Variants in DYNLL1 observed in about 807,000 individuals in gnomAD.
DYNLL1 encodes the protein dynein light chain LC8-type 1.
A neutral mutation model predicts 10.1 loss-of-function variants in DYNLL1; 3 were observed. The ratio of observed to expected loss-of-function variants is 0.30; its 90% CI spans 0.14 to 0.77. The LOEUF (loss-of-function observed/expected upper bound fraction) is 0.77, where lower values mean the gene tolerates loss of function less well. DYNLL1 is among the 30% of genes least tolerant of loss of function. The probability of loss-of-function intolerance (pLI) is 0.66; values close to 1 mark genes in which losing one functional copy is unlikely to be tolerated. For synonymous variants in DYNLL1, 46 were observed against 41.2 expected (o/e 1.12, Z -0.45); for missense variants, 47 against 111.7 (o/e 0.42, Z 2.61).
chr12:120,487,951 A>G (rs1879035048), intron 1 of DYNLL1, among the ~76,000 whole-genome samples: 1 of 152,206 alleles, frequency 6.6e-6, no homozygotes, highest in Non-Finnish European at 1.5e-5. Context: ...CCCTATGTTG[A>G]GGGAGTACTG....
At chr12:120,484,723 A>C (rs1476914875) in intron 1 of DYNLL1, among the ~76,000 whole-genome samples, 7 of 151,776 alleles carry the variant, frequency 4.6e-5, no homozygotes, top group Non-Finnish European at 1.5e-5. Flanking sequence ...TGATTGTTTC[A>C]AGAAGTTATG....
chr12:120,478,623 G>T (rs1011912138), intron 1 of DYNLL1, among the ~76,000 whole-genome samples: 1 of 148,672 alleles, frequency 6.7e-6, no homozygotes, highest in Admixed American at 6.6e-5. Context: ...AGGCTGAGGC[G>T]GGCAGATCAC....
chr12:120,487,005 C>T (rs1290177002), intron 1 of DYNLL1, among the ~76,000 whole-genome samples: 7 of 147,654 alleles, frequency 4.7e-5, no homozygotes, highest in African/African-American at 1.8e-4. Flanking sequence ...GATGCAGTCT[C>T]GCTCTGTCGC....
At chr12:120,486,372 G>C (rs1405087070) in intron 1 of DYNLL1, among the ~76,000 whole-genome samples, 1 of 152,104 alleles carries the variant, frequency 6.6e-6, no homozygotes, top group Admixed American at 6.6e-5. Context: ...TGATAAGTTT[G>C]GGGGTACCAA....
At chr12:120,491,418 C>T (rs1208036808), upstream of DYNLL1, 1 of 152,386 alleles carries the variant, frequency 6.6e-6, no homozygotes, top group South Asian at 2.1e-4. Context: ...GCAATCTCTC[C>T]CACAGGGTGC....
At chr12:120,487,892 G>T (rs1348161732) in intron 1 of DYNLL1, among the ~76,000 whole-genome samples, 1 of 152,106 alleles carries the variant, frequency 6.6e-6, no homozygotes. Flanking sequence ...CAGAGAATAG[G>T]AATCTATAAA....
chr12:120,496,393 T>C (rs1398794223), intron 1 of DYNLL1, 23 bp from the exon 2 acceptor site: 1 of 1,613,594 alleles, frequency 6.2e-7, no homozygotes, highest in Non-Finnish European at 8.5e-7. Flanking sequence ...ACTCAACCCC[T>C]TACCCCAGGC....
At chr12:120,493,963 G>C (rs189158566), upstream of DYNLL1, 1 of 151,794 alleles carries the variant, frequency 6.6e-6, no homozygotes, top group East Asian at 1.9e-4. Context: ...ATATTATGAT[G>C]ATAGTATTAT....
intron 1 of DYNLL1, among the ~76,000 whole-genome samples, chr12:120,470,427 A>G (rs923259190): frequency 2.0e-5 from 3 of 152,084 alleles, no homozygotes; most frequent in African/African-American, 7.2e-5. Context: ...AACGCGGAGC[A>G]TTGAACCCAG....
At chr12:120,485,114 G>A (rs562571616) in intron 1 of DYNLL1, among the ~76,000 whole-genome samples, 8 of 152,352 alleles carry the variant, frequency 5.3e-5, no homozygotes, top group African/African-American at 1.9e-4. Flanking sequence ...CACTTTGGGA[G>A]GTGAAGGCAG....
At chr12:120,478,117 T>G (rs57717256) in intron 1 of DYNLL1, among the ~76,000 whole-genome samples, 39,620 of 149,666 alleles carry the variant, frequency 0.26, 5,508 homozygotes, top group Middle Eastern at 0.34. Flanking sequence ...TGTTGTTGTT[T>G]TTTTTTTTGA....
At chr12:120,497,762 C>T in intron 2 of DYNLL1, 1 of 272,686 alleles carries the variant, frequency 3.7e-6, no homozygotes, top group Non-Finnish European at 7.0e-6. Context: ...CTGTTGATGT[C>T]ACCGTCTGTC....
At chr12:120,474,313 T>G (rs1440567698) in intron 1 of DYNLL1, among the ~76,000 whole-genome samples, 2 of 152,022 alleles carry the variant, frequency 1.3e-5, no homozygotes, top group Non-Finnish European at 2.9e-5. Flanking sequence ...AATGGGCTTG[T>G]CCTTCTTTTC....
At chr12:120,478,179 G>A (rs1361683678) in intron 1 of DYNLL1, among the ~76,000 whole-genome samples, 4 of 150,020 alleles carry the variant, frequency 2.7e-5, no homozygotes, top group Non-Finnish European at 4.4e-5. Context: ...CACAATCTTT[G>A]CTCACTGCAA....
At chr12:120,492,314 T>G (rs1879152580), upstream of DYNLL1, among the ~76,000 whole-genome samples, 1 of 152,200 alleles carries the variant, frequency 6.6e-6, no homozygotes, top group Admixed American at 6.5e-5. This position sits in a 1 kb window ranked among gnomAD's most constrained non-coding sequence, Gnocchi z 4.1. Context: ...GTGATCTCCA[T>G]TTAAAAATCA....
intron 1 of DYNLL1, among the ~76,000 whole-genome samples, chr12:120,473,023 G>C (rs1484661165): frequency 6.6e-6 from 1 of 152,138 alleles, no homozygotes; most frequent in African/African-American, 2.4e-5. Context: ...CATTATTTAT[G>C]ATTTAGGTCC....
At chr12:120,490,885 C>T (rs1879110791) in intron 1 of DYNLL1, 1 of 152,180 alleles carries the variant, frequency 6.6e-6, no homozygotes, top group Non-Finnish European at 1.5e-5. Context: ...TGGTAGCTAG[C>T]ATCACTGATC....
intron 2 of DYNLL1, 161 bp downstream of exon 2, chr12:120,496,714 G>C: frequency 8.9e-7 from 1 of 1,120,410 alleles, no homozygotes; most frequent in Non-Finnish European, 1.3e-6. Flanking sequence ...CGCTCCTGTG[G>C]AGAAGACCAG....
intron 1 of DYNLL1, among the ~76,000 whole-genome samples, chr12:120,485,329 T>C (rs1337070718): frequency 7.3e-6 from 1 of 137,110 alleles, no homozygotes; most frequent in African/African-American, 2.7e-5. Flanking sequence ...CGATCTCGGC[T>C]CACTGCAACC....
Sources: gnomAD v4.1 joint callset for allele counts (sites outside exome capture counted in the v4.1 genomes callset) on GRCh38, gnomAD v4.1.1 for gene constraint, Gnocchi (gnomAD v3.1) non-coding constraint, MANE v1.5 for transcripts, NCBI Gene and HGNC (gene_info 2026-07-23, HGNC 2026-07-21) for gene names.